The following TANC1 variants were observed in gnomAD, a reference collection of about 807,000 sequenced individuals.
TANC1 encodes tetratricopeptide repeat, ankyrin repeat and coiled-coil containing 1.
TANC1 carries 77 observed loss-of-function variants against 149.7 expected under a neutral mutation model. The ratio of observed to expected loss-of-function variants is 0.51; its 90% CI spans 0.43 to 0.62. The LOEUF is 0.62. TANC1 is among the 20% of genes least tolerant of loss of function. The pLI is 0.00. For synonymous variants in TANC1, 854 were observed against 925.0 expected, an observed-to-expected ratio of 0.92 and a Z score of 1.39; for missense variants, 1,985 against 2,321.8, an observed-to-expected ratio of 0.85 and a Z score of 2.98.
In TANC1 at chr2:159,167,864, G is replaced by T. The variant is rs533565674; in HGVS notation, c.947-1386G>T. On this transcript the variant is annotated intron_variant, in intron 8 of 26. Transcript: ENST00000263635. ...GGAAATGGAAGGGTGCAGGTAGGAC[G>T]GATGGCACTGGTCGGCAGCTGGATG... Among the ~76,000 whole-genome samples the T allele has an allele frequency of 2.6e-5, 4 of 152,264 alleles. No homozygotes were observed. The East Asian group carries it at 7.7e-4, about 29-fold the overall frequency.
intron 3 of TANC1, among the ~76,000 whole-genome samples, chr2:159,072,102 C>T (rs530594123): frequency 1.3e-5 from 2 of 152,322 alleles, no homozygotes; most frequent in African/African-American, 4.8e-5. Flanking sequence ...CTGCCCAAGC[C>T]TCCCAAGTAC....
At position 159,131,431 on chromosome 2, in the gene TANC1, A is replaced by G. The variant is rs2050079178; in HGVS notation, c.260-4763A>G. The stretch of plus-strand genomic sequence containing the variant: ...AGTTTTCAACCAGCCACACTACTGG[A>G]TGTCACCCGCGCCCCTGCCTTCCGA... On this transcript the variant is annotated intron_variant, in intron 4 of 26. Transcript: ENST00000263635. Among the ~76,000 whole-genome samples, 3 of 151,896 alleles carry G rather than the reference A, an allele frequency of 2.0e-5. No individual in the cohort carries two copies. In the South Asian group the frequency reaches 6.2e-4, roughly 32 times the overall value.
At chr2:159,213,219 T>G (rs2059119226) in intron 19 of TANC1, among the ~76,000 whole-genome samples, 1 of 152,150 alleles carries the variant, frequency 6.6e-6, no homozygotes, top group Non-Finnish European at 1.5e-5. Context: ...TATTTTGGGG[T>G]GGCATATTCT....
At position 159,229,691 on chromosome 2, in the gene TANC1, G is replaced by A. The variant is rs1274032094; in HGVS notation, c.4265G>A (p.Arg1422Lys). The change falls in exon 27 of 27, where the codon AGG becomes AAG. Residue 1422 changes from arginine (R) to lysine (K), a missense_variant. By Grantham distance (26) the Arg-to-Lys change is conservative. Coordinates refer to ENST00000263635, the MANE Select transcript of TANC1 (RefSeq NM_033394.3). ...GAAGAGGAGTGCAAACAACTCCAGAGGAGTCAACAGCAAAAACAGCAGGGC... is the reference window on the plus strand; with the variant it reads ...GAAGAGGAGTGCAAACAACTCCAGAAGAGTCAACAGCAAAAACAGCAGGGC... The part of the protein sequence containing the change: ...RVEEECKQLQ[R>K]SQQQKQQGPL... 1.9e-6 allele frequency: 3 copies of A among 1,613,886 alleles called. No homozygotes were observed. The highest frequency in any genetic ancestry group is 1.3e-5 in the African/African-American group (1 of 74,870).
At position 159,165,829 on chromosome 2, in the gene TANC1, C is replaced by T. The variant is rs979443977; in HGVS notation, c.946+2283C>T. Among the ~76,000 whole-genome samples the T allele has an allele frequency of 4.6e-5, 7 of 152,242 alleles. No homozygotes were observed. The East Asian group carries it at 1.2e-3, about 25-fold the overall frequency. On this transcript the variant is annotated intron_variant, in intron 8 of 26. Coordinates refer to ENST00000263635, the MANE Select transcript of TANC1 (RefSeq NM_033394.3). Reference sequence around the variant, plus strand: ...CAGGTAAAGGAAGGGTGATGCCAGACCTCTGTTCACAGCCTCCTCATGGGG... The same window carrying T: ...CAGGTAAAGGAAGGGTGATGCCAGATCTCTGTTCACAGCCTCCTCATGGGG...
At chr2:159,013,717 GGTTGT>G (rs1417890214) in intron 2 of TANC1, among the ~76,000 whole-genome samples, 3 of 152,300 alleles carry the variant, frequency 2.0e-5, no homozygotes, top group Admixed American at 2.0e-4. Context: ...CCGAGGACTG[GGTTGT>G]GTTGTCTGAG....
intron 15 of TANC1, among the ~76,000 whole-genome samples, chr2:159,186,115 A>G (rs906187939): frequency 4.6e-5 from 7 of 152,320 alleles, no homozygotes; most frequent in African/African-American, 9.6e-5. Flanking sequence ...GCTCAAGTGT[A>G]TATCAGAGTG....
intron 2 of TANC1, among the ~76,000 whole-genome samples, chr2:159,052,421 A>C (rs984883324): frequency 6.6e-6 from 1 of 152,146 alleles, no homozygotes; most frequent in African/African-American, 2.4e-5. Context: ...GCTCCTGCTA[A>C]TGTGTGCCAA....
Position 159,029,045 on chromosome 2 carries a change from A to T in TANC1, c.-16+27856A>T, listed in dbSNP as rs567623620. ...TGTTGGGATTACAGGTGTGAGCCAC[A>T]GTGCCTAGCAGAGTTTGACTACTTT... On this transcript the variant is annotated intron_variant, in intron 2 of 26. Transcript: ENST00000263635. 1.1e-3 allele frequency among the ~76,000 whole-genome samples: 167 copies of T among 152,292 alleles called. 2 individuals are homozygous for T. In the South Asian group the frequency reaches 0.013, roughly 12 times the overall value.
At position 159,111,682 on chromosome 2, in the gene TANC1, A is replaced by G. The variant is rs146189095; in HGVS notation, c.259+13848A>G. On this transcript the variant is annotated intron_variant, in intron 4 of 26. Coordinates refer to ENST00000263635, the MANE Select transcript of TANC1 (RefSeq NM_033394.3). ...GGACCAGCAGATGAGTCTGCACCAC[A>G]GTTGGCAGTGCTGCCTCCTCCTCTT... Among the ~76,000 whole-genome samples, 333 of 152,338 alleles carry G rather than the reference A, an allele frequency of 2.2e-3. 1 individual carries two copies. Among genetic ancestry groups the G allele is most frequent in the African/African-American group, 7.4e-3 (306 of 41,580 alleles).
intron 3 of TANC1, among the ~76,000 whole-genome samples, chr2:159,072,919 A>G (rs264651): frequency 0.07 from 10,704 of 152,310 alleles, 559 homozygotes; most frequent in East Asian, 0.15. Flanking sequence ...CTCTTCTCCC[A>G]GCTTCAGCCT....
At chr2:158,993,414 G>T (rs551412256) in intron 1 of TANC1, among the ~76,000 whole-genome samples, 1 of 152,204 alleles carries the variant, frequency 6.6e-6, no homozygotes, top group Non-Finnish European at 1.5e-5. Context: ...AGCACACCTG[G>T]CTAATTTTTG....
intron 10 of TANC1, 93 bp from the exon 11 acceptor site, chr2:159,172,028 T>G (rs2055311536): frequency 1.5e-6 from 2 of 1,314,524 alleles, no homozygotes; most frequent in Admixed American, 2.0e-5. Flanking sequence ...CCTTGCTTAT[T>G]AAAATATGCC....
chr2:159,049,484 G>A (rs2041313843), intron 2 of TANC1, among the ~76,000 whole-genome samples: 2 of 152,110 alleles, frequency 1.3e-5, no homozygotes, highest in South Asian at 2.1e-4. Flanking sequence ...TCATCAGCAG[G>A]GTAGCTGTAC....
chr2:159,227,688 G>A (rs1165362286), intron 24 of TANC1, 131 bp from the exon 25 acceptor site: 27 of 1,014,926 alleles, frequency 2.7e-5, no homozygotes, highest in Non-Finnish European at 3.8e-5. Flanking sequence ...CTTGACACTT[G>A]TTTGGATGCT....
intron 7 of TANC1, among the ~76,000 whole-genome samples, chr2:159,160,070 A>T (rs2053888631): frequency 6.6e-6 from 1 of 152,158 alleles, no homozygotes; most frequent in South Asian, 2.1e-4. Flanking sequence ...TGTCCTTGAG[A>T]CTAAACGGAA....
chr2:159,103,885 C>T (rs2046946056), intron 4 of TANC1, among the ~76,000 whole-genome samples: 1 of 96,782 alleles, frequency 1.0e-5, no homozygotes, highest in African/African-American at 2.9e-5. Context: ...GGCTTGTGAG[C>T]TGTAAATAAT....
At chr2:159,020,211 G>A (rs1246704905) in intron 2 of TANC1, among the ~76,000 whole-genome samples, 2 of 152,112 alleles carry the variant, frequency 1.3e-5, no homozygotes, top group Non-Finnish European at 2.9e-5. Flanking sequence ...TCTGCCTCCC[G>A]GGTTCAAGTC....
chr2:159,192,589 T>G (rs1364992184), intron 16 of TANC1, among the ~76,000 whole-genome samples: 1 of 152,206 alleles, frequency 6.6e-6, no homozygotes, highest in Non-Finnish European at 1.5e-5. Flanking sequence ...CCAGATATAA[T>G]GAATCAGAAA....
Sources: allele counts gnomAD v4.1 joint callset (sites outside exome capture counted in the v4.1 genomes callset), GRCh38; gene constraint gnomAD v4.1.1; transcripts MANE v1.5; gene names NCBI Gene and HGNC (gene_info 2026-07-23, HGNC 2026-07-21).